PRELID2: variants seen among roughly 807,000 people sequenced by gnomAD.
PRELID2 encodes PRELI domain-containing protein 2.
PRELID2 carries 25 observed loss-of-function variants against 28.4 expected under a neutral mutation model. The ratio of observed to expected loss-of-function variants is 0.88; its 90% CI spans 0.64 to 1.23. The LOEUF (loss-of-function observed/expected upper bound fraction) is 1.23. Ranked by LOEUF, PRELID2 falls within the 50% of genes most tolerant of loss-of-function variation. PRELID2 has a pLI of 0.00. For synonymous variants in PRELID2, 76 were observed against 71.6 expected, an observed-to-expected ratio of 1.06 and a Z score of -0.31; for missense variants, 201 against 214.4, an observed-to-expected ratio of 0.94 and a Z score of 0.39.
At chr5:145,632,480 C>A (rs1233497998) in intron 1 of PRELID2, among the ~76,000 whole-genome samples, 1 of 152,150 alleles carries the variant, frequency 6.6e-6, no homozygotes, top group Non-Finnish European at 1.5e-5. Flanking sequence ...GGACACAGTT[C>A]TTCTTGTATA....
the PRELID2 span, among the ~76,000 whole-genome samples, chr5:145,357,674 A>G: frequency 6.6e-6 from 1 of 151,864 alleles, no homozygotes; most frequent in Non-Finnish European, 1.5e-5. Flanking sequence ...GATTCCTTGG[A>G]TGGGGTTTTG....
At chr5:145,378,138 T>A in the PRELID2 span, among the ~76,000 whole-genome samples, 1 of 152,188 alleles carries the variant, frequency 6.6e-6, no homozygotes, top group African/African-American at 2.4e-5. Context: ...TCTTCCAGGG[T>A]TTCAGCTGAG....
chr5:145,784,151 G>A (rs1751830833), intron 5 of PRELID2, among the ~76,000 whole-genome samples: 1 of 151,732 alleles, frequency 6.6e-6, no homozygotes, highest in Non-Finnish European at 1.5e-5. Context: ...GGGCATGGTG[G>A]TGCACACCTG....
At chr5:145,600,069 T>A (rs1753367030) in intron 1 of PRELID2, among the ~76,000 whole-genome samples, 1 of 148,388 alleles carries the variant, frequency 6.7e-6, no homozygotes, top group South Asian at 2.1e-4. Context: ...GTGACATTTT[T>A]AAAAGTTGTT....
chr5:145,820,417 C>G (rs1184878284), intron 2 of PRELID2, among the ~76,000 whole-genome samples: 3 of 151,698 alleles, frequency 2.0e-5, no homozygotes, highest in Non-Finnish European at 4.4e-5. Context: ...AGAATCACAA[C>G]CGTTCGCTGC....
At chr5:145,298,667 G>T in the PRELID2 span, among the ~76,000 whole-genome samples, 2 of 152,034 alleles carry the variant, frequency 1.3e-5, no homozygotes, top group Non-Finnish European at 1.5e-5. Context: ...ACAAATGCCG[G>T]TACGTGTCAA....
intron 1 of PRELID2, among the ~76,000 whole-genome samples, chr5:145,716,080 T>C (rs973044972): frequency 6.6e-6 from 1 of 152,134 alleles, no homozygotes; most frequent in Non-Finnish European, 1.5e-5. Context: ...TCATCAGCTA[T>C]TGGTAGTATT....
chr5:145,267,653 C>A, the PRELID2 span, among the ~76,000 whole-genome samples: 1 of 152,132 alleles, frequency 6.6e-6, no homozygotes, highest in Non-Finnish European at 1.5e-5. Context: ...GTACTGATTT[C>A]ATTTCTTTTA....
chr5:145,511,487 C>A (rs546141460), intron 1 of PRELID2, among the ~76,000 whole-genome samples: 1 of 152,316 alleles, frequency 6.6e-6, no homozygotes, highest in East Asian at 1.9e-4. Context: ...CTGAAGGGAA[C>A]AGAATACCCA....
chr5:145,617,071 C>G (rs113990531), intron 1 of PRELID2, among the ~76,000 whole-genome samples: 157 of 152,326 alleles, frequency 1.0e-3, no homozygotes, highest in African/African-American at 3.6e-3. Context: ...TTCCACCCGG[C>G]TACTGGCGGT....
chr5:145,636,659 G>A (rs759448184), intron 1 of PRELID2, among the ~76,000 whole-genome samples: 20 of 152,292 alleles, frequency 1.3e-4, no homozygotes, highest in Non-Finnish European at 2.5e-4. Flanking sequence ...CCATTAAACA[G>A]CTGTTTCTAT....
chr5:145,560,455 A>T (rs1037804600), intron 1 of PRELID2, among the ~76,000 whole-genome samples: 10 of 152,224 alleles, frequency 6.6e-5, no homozygotes, highest in Non-Finnish European at 1.2e-4. Context: ...TCCTGTTAGG[A>T]AGGCTTGTAA....
At chr5:145,788,592 G>C (rs1386157321) in intron 5 of PRELID2, among the ~76,000 whole-genome samples, 1 of 152,088 alleles carries the variant, frequency 6.6e-6, no homozygotes, top group East Asian at 1.9e-4. Flanking sequence ...CACACAGATA[G>C]ACAACTATCT....
At chr5:145,490,609 G>C (rs1001410788) in intron 1 of PRELID2, among the ~76,000 whole-genome samples, 3 of 152,172 alleles carry the variant, frequency 2.0e-5, no homozygotes, top group Admixed American at 6.5e-5. Context: ...AACATAAACA[G>C]TACTTTAAGC....
the PRELID2 span, chr5:145,229,545 C>A: frequency 6.8e-7 from 1 of 1,474,040 alleles, no homozygotes; most frequent in Admixed American, 1.7e-5. Context: ...GATGGCACCA[C>A]CCACCAGACC....
At chr5:145,752,427 T>G (rs1224365501), downstream of PRELID2, among the ~76,000 whole-genome samples, 1 of 152,166 alleles carries the variant, frequency 6.6e-6, no homozygotes. Flanking sequence ...CCAATGCGAC[T>G]CCAAGATTTT....
chr5:145,606,574 T>C (rs1753507597), intron 1 of PRELID2, among the ~76,000 whole-genome samples: 1 of 152,194 alleles, frequency 6.6e-6, no homozygotes. Flanking sequence ...TATTTCTTGA[T>C]ATACATATTT....
chr5:145,498,525 TTTG>T lies in PRELID2; in HGVS notation n.71-25213_71-25211del, dbSNP rs369839847. Among the ~76,000 whole-genome samples, 7 of 151,728 alleles carry T rather than the reference TTTG, an allele frequency of 4.6e-5. No homozygotes were observed. The East Asian group carries it at 5.9e-4, about 13-fold the overall frequency. On this transcript the variant is annotated intron_variant and non_coding_transcript_variant, in intron 1 of 2. Transcript: ENST00000510259. ...TTTTTTGTTTGTTTGTTTGCTTTGT[TTTG>T]TTGTTGTTGTTGTTGTTTTGAGACA...
At chr5:145,376,530 GC>G in the PRELID2 span, among the ~76,000 whole-genome samples, 1 of 152,120 alleles carries the variant, frequency 6.6e-6, no homozygotes, top group East Asian at 1.9e-4. Flanking sequence ...CTGTTCCTGG[GC>G]TTTTTTTAGT....
Sources: gnomAD v4.1 joint callset for allele counts (sites outside exome capture counted in the v4.1 genomes callset) on GRCh38, gnomAD v4.1.1 for gene constraint, MANE v1.5 for transcripts, NCBI Gene and HGNC (gene_info 2026-07-23, HGNC 2026-07-21) for gene names.